PCDHA4: variants seen among roughly 807,000 people sequenced by gnomAD.
PCDHA4 encodes the protein protocadherin alpha-4.
In PCDHA4, 49 loss-of-function variants were observed where a neutral mutation model predicts 61.4. The ratio of observed to expected loss-of-function variants is 0.80; its 90% CI spans 0.63 to 1.01. PCDHA4 has a LOEUF of 1.01. Among genes scored for constraint, PCDHA4 ranks in the 50% least tolerant of loss-of-function variants. The probability of loss-of-function intolerance (pLI) is 0.00; values close to 1 mark genes in which losing one functional copy is unlikely to be tolerated. For synonymous variants in PCDHA4, 590 were observed against 550.3 expected, an observed-to-expected ratio of 1.07 and a Z score of -1.01; for missense variants, 1,254 against 1,235.8, an observed-to-expected ratio of 1.01 and a Z score of -0.22.
rs2042521817 is a variant in PCDHA4, at chr5:140,852,899, GTC to G, written c.2385+43328_2385+43329del. 441 of 840,720 alleles carry G rather than the reference GTC, an allele frequency of 5.2e-4. 11 individuals are homozygous for G. In the South Asian group the frequency reaches 0.021, roughly 39 times the overall value. The allele number at this position is 840,720 out of a possible 1,614,324, so 52.1% of individuals were successfully genotyped here. A position where few individuals can be genotyped will look rare whatever the true frequency, so the allele number is the denominator to read the frequency against. On this transcript the variant is annotated intron_variant, in intron 1 of 3. Coordinates refer to ENST00000530339, the MANE Select transcript of PCDHA4 (RefSeq NM_018907.4). ...TCATAAAACGTATTTTTTTTTTTGAGTCAGAGTCTCGCTCTGTTGCCCAGGCT... is the reference window on the plus strand; with the variant it reads ...TCATAAAACGTATTTTTTTTTTTGAGAGAGTCTCGCTCTGTTGCCCAGGCT...
chr5:140,915,259 T>C (rs1344301014), intron 1 of PCDHA4, among the ~76,000 whole-genome samples: 1 of 152,182 alleles, frequency 6.6e-6, no homozygotes, highest in East Asian at 1.9e-4. Context: ...GTTGTTATTA[T>C]TTTTGACCAG....
At chr5:141,009,327 C>A (rs1445732436) in intron 3 of PCDHA4, among the ~76,000 whole-genome samples, 3 of 152,142 alleles carry the variant, frequency 2.0e-5, no homozygotes, top group Non-Finnish European at 2.9e-5. Context: ...GGCATGGGAG[C>A]TTGTGCCTGT....
chr5:140,808,975 G>A lies in PCDHA4; in HGVS notation c.1788G>A (p.Ala596=), dbSNP rs1764322859. 1.9e-6 allele frequency: 3 copies of A among 1,613,626 alleles called. No homozygotes were observed. The East Asian group carries it at 6.7e-5, about 36-fold the overall frequency. The stretch of plus-strand genomic sequence containing the variant: ...GCCACGTGGTGGCAAAGGTGCGCGC[G>A]GTGGATGCTGACTCGGGCTACAACG... ...GVGHVVAKVR[A]VDADSGYNAW... is the part of the protein sequence containing the mutation. The change falls in exon 1 of 4, where the codon GCG becomes GCA. Residue 596 remains alanine, a synonymous_variant. Transcript: ENST00000530339.
intron 1 of PCDHA4, chr5:140,842,463 C>T (rs1554139058): frequency 1.9e-6 from 3 of 1,613,672 alleles, no homozygotes; most frequent in Admixed American, 3.3e-5. Flanking sequence ...GATTCAGGTG[C>T]CAACGGGCAG....
chr5:140,845,035 G>GC (rs1258686768), intron 1 of PCDHA4, among the ~76,000 whole-genome samples: 16 of 149,032 alleles, frequency 1.1e-4, no homozygotes, highest in African/African-American at 3.7e-4. Flanking sequence ...GCATATTTTA[G>GC]CCCCCTTGTC....
In PCDHA4 at chr5:140,828,703, A is replaced by C. The variant is rs1438120324; in HGVS notation, c.2385+19131A>C. The stretch of plus-strand genomic sequence containing the variant: ...TAAAGAAATCCTTGGACAGAGAGGA[A>C]GCTCCTGCACACAACTTATTCCTGA... On this transcript the variant is annotated intron_variant, in intron 1 of 3. Coordinates refer to ENST00000530339, the MANE Select transcript of PCDHA4 (RefSeq NM_018907.4). The C allele has an allele frequency of 1.3e-5, 21 of 1,614,248 alleles. 1 individual carries two copies. The African/African-American group carries it at 1.6e-4, about 12-fold the overall frequency.
intron 1 of PCDHA4, chr5:140,849,883 T>A (rs2150456208): frequency 6.3e-7 from 1 of 1,598,406 alleles, no homozygotes; most frequent in Non-Finnish European, 8.6e-7. Context: ...TACACGGTGT[T>A]CGTGAAGGAG....
intron 1 of PCDHA4, chr5:140,877,398 T>C: frequency 1.2e-6 from 2 of 1,613,870 alleles, no homozygotes; most frequent in Middle Eastern, 1.6e-4. Flanking sequence ...AGGCGGACGC[T>C]CCGCGCCACC....
chr5:140,958,242 T>A (rs1375619471), intron 1 of PCDHA4, among the ~76,000 whole-genome samples: 1 of 152,120 alleles, frequency 6.6e-6, no homozygotes, highest in Non-Finnish European at 1.5e-5. Context: ...TTTTTAACAA[T>A]TCTGAACAAA....
intron 1 of PCDHA4, among the ~76,000 whole-genome samples, chr5:140,898,648 G>T (rs1436511217): frequency 8.5e-5 from 13 of 152,136 alleles, no homozygotes; most frequent in African/African-American, 3.1e-4. Context: ...TGTTCTTTTG[G>T]CTTAGGATTG....
chr5:140,995,764 G>C (rs2097697128), intron 3 of PCDHA4, among the ~76,000 whole-genome samples: 1 of 152,134 alleles, frequency 6.6e-6, no homozygotes, highest in Non-Finnish European at 1.5e-5. Flanking sequence ...AGAAAATGTG[G>C]AGAGTGAAGG....
intron 1 of PCDHA4, chr5:140,829,890 A>G: frequency 2.5e-6 from 4 of 1,613,880 alleles, no homozygotes; most frequent in Non-Finnish European, 3.4e-6. Context: ...GTTGACGCCG[A>G]CTCAGGCTAC....
intron 1 of PCDHA4, chr5:140,883,444 T>C: frequency 3.1e-6 from 5 of 1,614,170 alleles, no homozygotes; most frequent in Non-Finnish European, 4.2e-6. Context: ...TGACGCCGCA[T>C]GTCCCCTTCA....
At position 140,843,195 on chromosome 5, in the gene PCDHA4, G is replaced by T. The variant is rs1554139855; in HGVS notation, c.2385+33623G>T. 5.6e-6 allele frequency: 9 copies of T among 1,596,020 alleles called. 1 individual carries two copies. The highest frequency in any genetic ancestry group is 3.3e-5 in the South Asian group (3 of 90,494). On this transcript the variant is annotated intron_variant, in intron 1 of 3. Transcript: ENST00000530339. ...AGCCCTCGCATCCCGTTCCGCGTGG[G>T]GCTGTACACGGGCGAGATCAGCACC...
chr5:140,869,103 G>A, intron 1 of PCDHA4: 1 of 1,600,312 alleles, frequency 6.2e-7, no homozygotes, highest in Non-Finnish European at 8.5e-7. Context: ...TTTCGTATGC[G>A]ATGTTTGGTT....
intron 1 of PCDHA4, among the ~76,000 whole-genome samples, chr5:140,844,348 A>T (rs1466711189): frequency 6.7e-6 from 1 of 149,514 alleles, no homozygotes; most frequent in Non-Finnish European, 1.5e-5. Context: ...AAGTAAAATC[A>T]AGAGGGAAGA....
chr5:141,007,393 T>C (rs1485010105), intron 3 of PCDHA4, among the ~76,000 whole-genome samples: 2 of 23,410 alleles, frequency 8.5e-5, no homozygotes, highest in African/African-American at 2.3e-4. Context: ...TCTACTAAAA[T>C]ACAAAAAAAA....
intron 1 of PCDHA4, among the ~76,000 whole-genome samples, chr5:140,975,937 A>C (rs2096690423): frequency 1.3e-5 from 2 of 152,194 alleles, no homozygotes; most frequent in South Asian, 2.1e-4. Context: ...CTTTGAAGCA[A>C]TAGGACATAT....
intron 1 of PCDHA4, chr5:140,866,649 T>C (rs1554160460): frequency 6.6e-6 from 1 of 152,162 alleles, no homozygotes; most frequent in South Asian, 2.1e-4. Context: ...AAAATTTATT[T>C]ATGTGTTTTC....
Sources: gnomAD v4.1 joint callset for allele counts (sites outside exome capture counted in the v4.1 genomes callset) on GRCh38, gnomAD v4.1.1 for gene constraint, MANE v1.5 for transcripts, NCBI Gene and HGNC (gene_info 2026-07-23, HGNC 2026-07-21) for gene names.